Variants in BLOC1S6 observed in about 807,000 individuals in gnomAD.
The protein encoded by BLOC1S6 is biogenesis of lysosomal organelles complex 1 subunit 6, also known as biogenesis of lysosome-related organelles complex 1 subunit 6.
In BLOC1S6, 24 loss-of-function variants were observed where a neutral mutation model predicts 24.7. The ratio of observed to expected loss-of-function variants is 0.97; its 90% CI spans 0.70 to 1.37. BLOC1S6 has a LOEUF of 1.37. Ranked by LOEUF, BLOC1S6 falls within the 40% of genes most tolerant of loss-of-function variation. The pLI, the probability that BLOC1S6 is intolerant of heterozygous loss-of-function variation, is 0.00. For missense variants in BLOC1S6, 175 were observed against 196.2 expected, an observed-to-expected ratio of 0.89 and a Z score of 0.64; for synonymous variants, 76 against 72.6, an observed-to-expected ratio of 1.05 and a Z score of -0.23.
intron 1 of BLOC1S6, among the ~76,000 whole-genome samples, chr15:45,591,434 T>C (rs1338081967): frequency 1.3e-5 from 2 of 152,164 alleles, no homozygotes; most frequent in East Asian, 3.8e-4. Context: ...TTTATTTTTA[T>C]ATCTATTTAT....
intron 1 of BLOC1S6, among the ~76,000 whole-genome samples, chr15:45,588,126 T>A (rs1595550382): frequency 6.6e-6 from 1 of 152,220 alleles, no homozygotes; most frequent in East Asian, 1.9e-4. Flanking sequence ...GTGGTTTAGA[T>A]GAGGCCTTAG....
intron 2 of BLOC1S6, among the ~76,000 whole-genome samples, chr15:45,595,997 G>A (rs1417400383): frequency 3.3e-5 from 5 of 152,160 alleles, no homozygotes; most frequent in Admixed American, 2.0e-4. Context: ...TAGTAGAGCC[G>A]GGGTTTCTCC....
intron 2 of BLOC1S6, among the ~76,000 whole-genome samples, chr15:45,596,398 A>G (rs1204953329): frequency 2.0e-5 from 3 of 150,766 alleles, no homozygotes; most frequent in Non-Finnish European, 2.9e-5. Context: ...GGGTTTCACC[A>G]TATTGCCCTG....
At chr15:45,601,609 C>T (rs1216436225) in intron 2 of BLOC1S6, among the ~76,000 whole-genome samples, 2 of 151,522 alleles carry the variant, frequency 1.3e-5, no homozygotes, top group Non-Finnish European at 2.9e-5. Context: ...GATTACTGCT[C>T]TTTCATGAAT....
chr15:45,601,326 G>C (rs928524573), intron 2 of BLOC1S6: 2 of 154,390 alleles, frequency 1.3e-5, no homozygotes, highest in African/African-American at 4.8e-5. Flanking sequence ...AGACTGTGGG[G>C]AATTGGTATC....
At chr15:45,592,416 G>A (rs903921781) in intron 2 of BLOC1S6, 140 bp downstream of exon 2, 2 of 1,054,858 alleles carry the variant, frequency 1.9e-6, no homozygotes, top group Non-Finnish European at 2.8e-6. Flanking sequence ...ATTGATAGCA[G>A]ATGGGAATAG....
At chr15:45,590,408 C>CTTT (rs34886686) in intron 1 of BLOC1S6, among the ~76,000 whole-genome samples, 2 of 136,148 alleles carry the variant, frequency 1.5e-5, no homozygotes, top group African/African-American at 2.7e-5. Context: ...TTTCCTCAAT[C>CTTT]TTTTTTTTTT....
At chr15:45,595,882 A>C (rs1325640611) in intron 2 of BLOC1S6, among the ~76,000 whole-genome samples, 2 of 152,166 alleles carry the variant, frequency 1.3e-5, no homozygotes, top group African/African-American at 4.8e-5. Flanking sequence ...ATCTCGGCTC[A>C]CCACAACGTC....
chr15:45,594,818 C>T (rs1479330871), intron 2 of BLOC1S6, among the ~76,000 whole-genome samples: 3 of 152,150 alleles, frequency 2.0e-5, no homozygotes, highest in Non-Finnish European at 4.4e-5. Flanking sequence ...CTCCTGACCT[C>T]AAGTGATCTG....
At chr15:45,595,971 C>G (rs923565074) in intron 2 of BLOC1S6, among the ~76,000 whole-genome samples, 2 of 152,102 alleles carry the variant, frequency 1.3e-5, no homozygotes, top group Admixed American at 6.6e-5. Context: ...CCACGCCTGT[C>G]TAATTTTTGT....
intron 2 of BLOC1S6, among the ~76,000 whole-genome samples, chr15:45,594,117 C>A (rs968043872): frequency 1.3e-5 from 2 of 152,000 alleles, no homozygotes; most frequent in Non-Finnish European, 2.9e-5. Flanking sequence ...GGATTCTAGT[C>A]CTGGCTCTGC....
Position 45,609,330 on chromosome 15 carries a change from AAAC to A in BLOC1S6, c.*2819_*2821del, listed in dbSNP as rs1164817702. The stretch of plus-strand genomic sequence containing the variant: ...GAGTGAGACCCTGTTTCTAAAAACA[AAAC>A]AAACAAACAAACAAACAACGTATCT... On this transcript the variant is annotated 3_prime_UTR_variant, in exon 5 of 5. Transcript: ENST00000220531. 4 of 127,848 alleles carry A rather than the reference AAAC, an allele frequency of 3.1e-5. No individual in the cohort carries two copies. Among genetic ancestry groups the A allele is most frequent in the Admixed American group, 1.4e-4 (2 of 14,282 alleles). 7.9% of individuals were successfully genotyped at this position (127,848 alleles called of 1,614,324 possible). A position where few individuals can be genotyped will look rare whatever the true frequency, so the allele number is the denominator to read the frequency against.
chr15:45,593,374 G>A (rs1008376575), intron 2 of BLOC1S6, among the ~76,000 whole-genome samples: 2 of 127,672 alleles, frequency 1.6e-5, no homozygotes, highest in Admixed American at 8.8e-5. Context: ...GACAGAGTGA[G>A]ACTCTGTCTC....
chr15:45,592,099 TA>T, intron 1 of BLOC1S6, 35 bp from the exon 2 acceptor site: 1 of 1,611,502 alleles, frequency 6.2e-7, no homozygotes, highest in Non-Finnish European at 8.5e-7. Flanking sequence ...ATAAAATAAA[TA>T]AAAGGTTCCT....
At chr15:45,587,182 T>A, upstream of BLOC1S6, 2 of 546,236 alleles carry the variant, frequency 3.7e-6, no homozygotes, top group Middle Eastern at 5.0e-4. Context: ...ACCAATCGGA[T>A]CGCAGGGACT....
chr15:45,590,987 T>G (rs1893862300), intron 1 of BLOC1S6, among the ~76,000 whole-genome samples: 2 of 152,220 alleles, frequency 1.3e-5, no homozygotes, highest in African/African-American at 4.8e-5. Context: ...AATTGTATTT[T>G]TCTTGGTAGG....
intron 2 of BLOC1S6, among the ~76,000 whole-genome samples, chr15:45,596,342 C>T (rs909976565): frequency 3.8e-4 from 57 of 151,830 alleles, no homozygotes; most frequent in Middle Eastern, 3.2e-3. Flanking sequence ...GGACCACAGG[C>T]GCACACCACC....
At chr15:45,603,236 T>G in intron 3 of BLOC1S6, 49 bp downstream of exon 3, 1 of 1,221,858 alleles carries the variant, frequency 8.2e-7, no homozygotes, top group Non-Finnish European at 1.2e-6. Context: ...GTCTTAGCAA[T>G]AGCTAAGACT....
At chr15:45,603,958 G>T (rs936640046) in intron 3 of BLOC1S6, among the ~76,000 whole-genome samples, 5 of 152,142 alleles carry the variant, frequency 3.3e-5, no homozygotes, top group Non-Finnish European at 5.9e-5. Flanking sequence ...AATTTCATCA[G>T]AAGTTCTATA....
Sources: allele counts gnomAD v4.1 joint callset (sites outside exome capture counted in the v4.1 genomes callset), GRCh38; gene constraint gnomAD v4.1.1; transcripts MANE v1.5; gene names NCBI Gene and HGNC (gene_info 2026-07-23, HGNC 2026-07-21).